The following KIRREL3 variants were observed in gnomAD, a reference collection of about 807,000 sequenced individuals.
The protein encoded by KIRREL3 is kirre like nephrin family adhesion molecule 3, also known as kin of IRRE-like protein 3.
A neutral mutation model predicts 89.7 loss-of-function variants in KIRREL3; 36 were observed. That is an observed-to-expected ratio of 0.40 (90% CI 0.31 to 0.53). The LOEUF is 0.53. Among genes scored for constraint, KIRREL3 ranks in the 20% least tolerant of loss-of-function variants. The pLI, the probability that KIRREL3 is intolerant of heterozygous loss-of-function variation, is 0.49. For missense variants in KIRREL3, 864 were observed against 1,056.6 expected (o/e 0.82, Z 2.53); for synonymous variants, 445 against 441.4 (o/e 1.01, Z -0.10).
chr11:126,618,735 T>C (rs1204163819), intron 1 of KIRREL3, among the ~76,000 whole-genome samples: 2 of 152,226 alleles, frequency 1.3e-5, no homozygotes, highest in South Asian at 4.1e-4. Context: ...TAGTTTCAGA[T>C]ATTTCATTAT....
At position 126,994,813 on chromosome 11, in the gene KIRREL3, T is replaced by C. The variant is rs1057143459; in HGVS notation, c.55+5642A>G. ...GGCACAGTGTGCTTTCTGAGAGGACTGAAGCCCTTCCGTGCTTCATAATAA... is the reference window on the plus strand; with the variant it reads ...GGCACAGTGTGCTTTCTGAGAGGACCGAAGCCCTTCCGTGCTTCATAATAA... On this transcript the variant is annotated intron_variant, in intron 1 of 16. Coordinates refer to ENST00000525144, the MANE Select transcript of KIRREL3 (RefSeq NM_032531.4). The surrounding 1 kb of genome is among the most constrained non-coding windows in gnomAD (Gnocchi z 5.2). Among the ~76,000 whole-genome samples, 7 of 152,184 alleles carry C rather than the reference T, an allele frequency of 4.6e-5. No individual in the cohort carries two copies. Among genetic ancestry groups the C allele is most frequent in the Admixed American group, 1.3e-4 (2 of 15,278 alleles).
Position 126,571,267 on chromosome 11 carries a change from C to G in KIRREL3, c.56-8355G>C, listed in dbSNP as rs1258529642. On this transcript the variant is annotated intron_variant, in intron 1 of 16. Transcript: ENST00000525144. This position sits in a 1 kb window ranked among gnomAD's most constrained non-coding sequence, Gnocchi z 7.7. Reference sequence around the variant, plus strand: ...CTCAGACACTGCCTGGGATCTTTCTCCCAACTGATGAATTGCCTGGAATTC... The same window carrying G: ...CTCAGACACTGCCTGGGATCTTTCTGCCAACTGATGAATTGCCTGGAATTC... 6.6e-6 allele frequency among the ~76,000 whole-genome samples: 1 copy of G among 152,194 alleles called. No homozygotes were observed. The highest frequency in any genetic ancestry group is 1.5e-5 in the Non-Finnish European group (1 of 68,036).
At position 126,605,495 on chromosome 11, in the gene KIRREL3, A is replaced by G; in HGVS notation, c.56-42583T>C. 6.6e-6 allele frequency among the ~76,000 whole-genome samples: 1 copy of G among 151,884 alleles called. No individual in the cohort carries two copies. The highest frequency in any genetic ancestry group is 1.5e-5 in the Non-Finnish European group (1 of 67,964). On this transcript the variant is annotated intron_variant, in intron 1 of 16. Transcript: ENST00000525144. The surrounding 1 kb of genome is among the most constrained non-coding windows in gnomAD (Gnocchi z 5.7). Reference sequence around the variant, plus strand: ...TACTTCATGGGACATGATGGATGAGACTCAGGATGCCAGGAGGGAGGCACA... The same window carrying G: ...TACTTCATGGGACATGATGGATGAGGCTCAGGATGCCAGGAGGGAGGCACA...
chr11:126,823,899 C>T (rs539958628), intron 1 of KIRREL3, among the ~76,000 whole-genome samples: 10 of 152,220 alleles, frequency 6.6e-5, no homozygotes, highest in South Asian at 2.1e-4. Context: ...TCCGGGAGGC[C>T]GGGGCAGGTG....
At chr11:126,457,373 GTA>G (rs1555111803) in intron 6 of KIRREL3, among the ~76,000 whole-genome samples, 18 of 150,968 alleles carry the variant, frequency 1.2e-4, no homozygotes, top group African/African-American at 4.1e-4. Flanking sequence ...GTGTATGCGT[GTA>G]TGTGTGTATG....
intron 1 of KIRREL3, among the ~76,000 whole-genome samples, chr11:126,956,615 C>T (rs35429918): frequency 0.46 from 69,912 of 151,898 alleles, 16,698 homozygotes; most frequent in Middle Eastern, 0.58. Flanking sequence ...GGGTGGTAGT[C>T]GGGGTGGATT....
rs552270750 is a variant in KIRREL3 at position 126,768,011 on chromosome 11, C to A, written c.56-205099G>T. 7.9e-5 allele frequency among the ~76,000 whole-genome samples: 12 copies of A among 152,220 alleles called. No individual in the cohort carries two copies. Among genetic ancestry groups the A allele is most frequent in the Admixed American group, 2.6e-4 (4 of 15,282 alleles). On this transcript the variant is annotated intron_variant, in intron 1 of 16. Coordinates refer to ENST00000525144, the MANE Select transcript of KIRREL3 (RefSeq NM_032531.4). This position sits in a 1 kb window ranked among gnomAD's most constrained non-coding sequence, Gnocchi z 4.5. ...CAAATAATCTTCATGACATCCAAAG[C>A]CCTGTGTTCTGCTTCTGAAATGTCT...
intron 4 of KIRREL3, among the ~76,000 whole-genome samples, chr11:126,473,747 A>T (rs1298241912): frequency 6.6e-6 from 1 of 152,110 alleles, no homozygotes; most frequent in African/African-American, 2.4e-5. Context: ...GCACTCCCAG[A>T]CCCAGAAGCA....
chr11:126,569,565 A>G lies in KIRREL3; in HGVS notation c.56-6653T>C, dbSNP rs1212062381. ...TCCTAGCCCAAAGATACTATAATCC[A>G]GTTGGCTATACAAGACATATACTTA... On this transcript the variant is annotated intron_variant, in intron 1 of 16. Transcript: ENST00000525144. This position sits in a 1 kb window ranked among gnomAD's most constrained non-coding sequence, Gnocchi z 6.5. 6.6e-6 allele frequency among the ~76,000 whole-genome samples: 1 copy of G among 152,256 alleles called. No individual in the cohort carries two copies. The highest frequency in any genetic ancestry group is 2.4e-5 in the African/African-American group (1 of 41,476).
Position 126,462,099 on chromosome 11 carries a change from C to A in KIRREL3, c.742+1058G>T, listed in dbSNP as rs1956565919. ...TCTTGGTTCTGGGGCTGACAGGCACCTTAGGGAGACTTTTAGGAGACTTTC... is the reference window on the plus strand; with the variant it reads ...TCTTGGTTCTGGGGCTGACAGGCACATTAGGGAGACTTTTAGGAGACTTTC... On this transcript the variant is annotated intron_variant, in intron 6 of 16. Transcript: ENST00000525144. The surrounding 1 kb of genome is among the most constrained non-coding windows in gnomAD (Gnocchi z 4.8). Among the ~76,000 whole-genome samples, 2 of 152,156 alleles carry A rather than the reference C, an allele frequency of 1.3e-5. No homozygotes were observed. The highest frequency in any genetic ancestry group is 6.5e-5 in the Admixed American group (1 of 15,284).
At position 126,899,091 on chromosome 11, in the gene KIRREL3, T is replaced by C. The variant is rs781311170; in HGVS notation, c.55+101364A>G. On this transcript the variant is annotated intron_variant, in intron 1 of 16. Transcript: ENST00000525144. The stretch of plus-strand genomic sequence containing the variant: ...AGAAGGTGGAAGGCTGGTTAGAGAG[T>C]CAATTACAAACTAACTGACTCACAA... 3.3e-4 allele frequency among the ~76,000 whole-genome samples: 50 copies of C among 151,248 alleles called. 1 individual carries two copies. Among genetic ancestry groups the C allele is most frequent in the Non-Finnish European group, 6.3e-4 (43 of 67,910 alleles).
intron 1 of KIRREL3, among the ~76,000 whole-genome samples, chr11:126,720,494 G>T (rs1319127342): frequency 2.0e-5 from 3 of 152,216 alleles, no homozygotes; most frequent in Non-Finnish European, 4.4e-5. Context: ...AAATATGCTA[G>T]ATTGCAGGGT....
chr11:126,741,050 C>G lies in KIRREL3; in HGVS notation c.56-178138G>C, dbSNP rs894987473. ...CAGACCCGGAATGGAAAACCATCTC[C>G]TGGCATTACATAACACAGGCCAACT... On this transcript the variant is annotated intron_variant, in intron 1 of 16. Transcript: ENST00000525144. Among the ~76,000 whole-genome samples, 9 of 152,318 alleles carry G rather than the reference C, an allele frequency of 5.9e-5. No homozygotes were observed. In the Middle Eastern group the frequency reaches 0.014, roughly 232 times the overall value.
At position 126,471,701 on chromosome 11, in the gene KIRREL3, G is replaced by GA. The variant is rs201945735; in HGVS notation, c.591+1607dup. ...AATGTCCTGGACTATGGAGCCTGAT[G>GA]AAAAAAGGCTGTGGGGGCCTGGGCT... On this transcript the variant is annotated intron_variant, in intron 5 of 16. Transcript: ENST00000525144. The surrounding 1 kb of genome is among the most constrained non-coding windows in gnomAD (Gnocchi z 5.4). 0.017 allele frequency among the ~76,000 whole-genome samples: 2,556 copies of GA among 152,192 alleles called. 27 individuals are homozygous for GA. The highest frequency in any genetic ancestry group is 0.028 in the Non-Finnish European group (1,923 of 67,984).
chr11:126,434,968 C>A (rs1955262335), intron 13 of KIRREL3, among the ~76,000 whole-genome samples: 1 of 152,060 alleles, frequency 6.6e-6, no homozygotes, highest in African/African-American at 2.4e-5. Context: ...GGAGTCAGGG[C>A]TCCTGAAGAG....
At chr11:126,649,632 G>A (rs1591876752) in intron 1 of KIRREL3, among the ~76,000 whole-genome samples, 1 of 152,176 alleles carries the variant, frequency 6.6e-6, no homozygotes, top group African/African-American at 2.4e-5. Context: ...CAAGAGGTGG[G>A]TTCCCATGGT....
chr11:126,812,876 G>A lies in KIRREL3; in HGVS notation c.55+187579C>T, dbSNP rs527949655. Among the ~76,000 whole-genome samples, 15 of 152,252 alleles carry A rather than the reference G, an allele frequency of 9.9e-5. No individual in the cohort carries two copies. The highest frequency in any genetic ancestry group is 2.6e-4 in the African/African-American group (11 of 41,538). ...GCTCCATCTAAAGGAAGTGGCCTAC[G>A]GGAATCTGCGCACCTCTGCTGTGAC... is the stretch of plus-strand genomic sequence containing the variant. On this transcript the variant is annotated intron_variant, in intron 1 of 16. Coordinates refer to ENST00000525144, the MANE Select transcript of KIRREL3 (RefSeq NM_032531.4). The surrounding 1 kb of genome is among the most constrained non-coding windows in gnomAD (Gnocchi z 5.2).
At chr11:126,873,099 T>G (rs566067930) in intron 1 of KIRREL3, among the ~76,000 whole-genome samples, 1 of 152,276 alleles carries the variant, frequency 6.6e-6, no homozygotes, top group South Asian at 2.1e-4. Flanking sequence ...GACGGCTCTG[T>G]CAAAAGTGTA....
rs912769213 is a variant in KIRREL3, at chr11:126,628,150, C to T, written c.56-65238G>A. On this transcript the variant is annotated intron_variant, in intron 1 of 16. Coordinates refer to ENST00000525144, the MANE Select transcript of KIRREL3 (RefSeq NM_032531.4). This position sits in a 1 kb window ranked among gnomAD's most constrained non-coding sequence, Gnocchi z 5.2. ...GTCTTTGCTCAGACAAGACTGGTCC[C>T]TCTGAACACACTTCGCCCACCCCTC... 6.6e-6 allele frequency among the ~76,000 whole-genome samples: 1 copy of T among 152,248 alleles called. No individual in the cohort carries two copies. Among genetic ancestry groups the T allele is most frequent in the Non-Finnish European group, 1.5e-5 (1 of 68,038 alleles).
Sources: gnomAD v4.1 joint callset for allele counts (sites outside exome capture counted in the v4.1 genomes callset) on GRCh38, gnomAD v4.1.1 for gene constraint, Gnocchi (gnomAD v3.1) non-coding constraint, MANE v1.5 for transcripts, NCBI Gene and HGNC (gene_info 2026-07-23, HGNC 2026-07-21) for gene names.